KLRG1: variants seen among roughly 807,000 people sequenced by gnomAD.
KLRG1 encodes killer cell lectin-like receptor subfamily G member 1.
A neutral mutation model predicts 21.8 loss-of-function variants in KLRG1; 16 were observed. The observed-to-expected ratio is 0.73, with a 90% confidence interval of 0.50 to 1.11. The LOEUF (loss-of-function observed/expected upper bound fraction) is 1.11, where lower values mean the gene tolerates loss of function less well. Ranked by LOEUF, KLRG1 falls within the 50% of genes most tolerant of loss-of-function variation. The pLI, the probability that KLRG1 is intolerant of heterozygous loss-of-function variation, is 0.00. For missense variants in KLRG1, 173 were observed against 218.3 expected (o/e 0.79, Z 1.31); for synonymous variants, 69 against 75.9 (o/e 0.91, Z 0.47).
At chr12:9,086,304 GA>G in the KLRG1 span, among the ~76,000 whole-genome samples, 1 of 152,188 alleles carries the variant, frequency 6.6e-6, no homozygotes, top group Non-Finnish European at 1.5e-5. Context: ...GAGGTGGTAG[GA>G]TTGCTTGAAC....
chr12:9,149,536 C>T, the KLRG1 span: 6 of 1,603,578 alleles, frequency 3.7e-6, no homozygotes, highest in Non-Finnish European at 3.4e-6. Flanking sequence ...CCATCTAGTA[C>T]TGGTCATAAG....
intron 1 of KLRG1, among the ~76,000 whole-genome samples, chr12:8,981,249 G>A (rs776392842): frequency 1.6e-4 from 25 of 151,980 alleles, no homozygotes; most frequent in Non-Finnish European, 2.8e-4. Flanking sequence ...TCTAGTCTTT[G>A]TTTCATGATT....
intron 2 of KLRG1, among the ~76,000 whole-genome samples, chr12:8,994,178 C>T (rs1049058623): frequency 2.0e-5 from 3 of 152,284 alleles, no homozygotes; most frequent in Middle Eastern, 6.8e-3. Flanking sequence ...GATTCTCATG[C>T]CTCAGCTCCT....
At chr12:9,150,188 T>C in the KLRG1 span, among the ~76,000 whole-genome samples, 1 of 152,276 alleles carries the variant, frequency 6.6e-6, no homozygotes, top group Non-Finnish European at 1.5e-5. Context: ...TTGAAAGCAG[T>C]GACTATATAT....
the KLRG1 span, among the ~76,000 whole-genome samples, chr12:9,103,163 A>G: frequency 6.6e-6 from 1 of 152,224 alleles, no homozygotes; most frequent in Admixed American, 6.5e-5. Flanking sequence ...AATGCTAATT[A>G]TGTTAGAATT....
At chr12:9,017,341 T>C in the KLRG1 span, among the ~76,000 whole-genome samples, 1 of 141,194 alleles carries the variant, frequency 7.1e-6, no homozygotes, top group Non-Finnish European at 1.5e-5. Context: ...ATATCCCTGA[T>C]AGACATTGAT....
chr12:9,033,995 A>C, the KLRG1 span, among the ~76,000 whole-genome samples: 1 of 152,246 alleles, frequency 6.6e-6, no homozygotes, highest in Non-Finnish European at 1.5e-5. Flanking sequence ...GGAATGATGC[A>C]GTGCAGAAAT....
At chr12:9,087,283 A>G in the KLRG1 span, among the ~76,000 whole-genome samples, 1 of 152,222 alleles carries the variant, frequency 6.6e-6, no homozygotes, top group Non-Finnish European at 1.5e-5. Context: ...ACAGATGAAC[A>G]GATAAAGAAA....
At chr12:9,047,685 G>T in the KLRG1 span, among the ~76,000 whole-genome samples, 7 of 152,090 alleles carry the variant, frequency 4.6e-5, no homozygotes, top group Non-Finnish European at 1.0e-4. Context: ...ATAAAGGATA[G>T]ATTGAAAATA....
the KLRG1 span, among the ~76,000 whole-genome samples, chr12:9,016,342 G>A: frequency 6.6e-6 from 1 of 152,084 alleles, no homozygotes; most frequent in African/African-American, 2.4e-5. Context: ...AAATACAGCA[G>A]AAATTCAAAG....
At chr12:9,070,561 G>C in the KLRG1 span, 1 of 1,613,636 alleles carries the variant, frequency 6.2e-7, no homozygotes, top group East Asian at 2.2e-5. Flanking sequence ...GTTGGAGGCA[G>C]AGCGGCTCCC....
the KLRG1 span, among the ~76,000 whole-genome samples, chr12:9,146,933 G>A: frequency 1.3e-5 from 2 of 152,110 alleles, no homozygotes; most frequent in East Asian, 3.9e-4. Context: ...TTCCCAGGCG[G>A]AAGTTGAGAG....
the KLRG1 span, among the ~76,000 whole-genome samples, chr12:9,035,208 C>T: frequency 1.3e-4 from 20 of 151,930 alleles, no homozygotes; most frequent in Non-Finnish European, 2.5e-4. Context: ...AAATGTCCAT[C>T]GATGATAGAC....
chr12:9,178,763 G>C, the KLRG1 span, among the ~76,000 whole-genome samples: 1 of 152,164 alleles, frequency 6.6e-6, no homozygotes, highest in East Asian at 1.9e-4. Context: ...ATTGGGTTCA[G>C]TGCTATCCAC....
chr12:9,025,625 A>C, the KLRG1 span, among the ~76,000 whole-genome samples: 1 of 152,228 alleles, frequency 6.6e-6, no homozygotes, highest in South Asian at 2.1e-4. Flanking sequence ...TGACAGAGTG[A>C]GACTTCATCT....
At chr12:9,069,184 G>C in the KLRG1 span, 1 of 166,810 alleles carries the variant, frequency 6.0e-6, no homozygotes, top group Non-Finnish European at 1.2e-5. Context: ...AGGAATACTT[G>C]CGTAGACTCA....
the KLRG1 span, among the ~76,000 whole-genome samples, chr12:9,081,306 T>C: frequency 6.6e-6 from 1 of 151,984 alleles, no homozygotes; most frequent in Non-Finnish European, 1.5e-5. Flanking sequence ...TTGGCAAAAA[T>C]TAAAATTAAA....
At chr12:9,193,927 T>A in the KLRG1 span, 1 of 745,024 alleles carries the variant, frequency 1.3e-6, no homozygotes, top group Admixed American at 3.1e-5. Context: ...TTATTGTTTT[T>A]CATGAAATTC....
the KLRG1 span, among the ~76,000 whole-genome samples, chr12:9,120,852 C>CATGTGTGTGTGTGTGTGTGTGT: frequency 5.8e-4 from 83 of 143,474 alleles, no homozygotes; most frequent in Middle Eastern, 3.6e-3. Context: ...ATCCCACTAA[C>CATGTGTGTGTGTGTGTGTGTGT]GTGTGTGTGT....
Sources: allele counts gnomAD v4.1 joint callset (sites outside exome capture counted in the v4.1 genomes callset), GRCh38; gene constraint gnomAD v4.1.1; transcripts MANE v1.5; gene names NCBI Gene and HGNC (gene_info 2026-07-23, HGNC 2026-07-21).